CDK5RAP2: variants seen among roughly 807,000 people sequenced by gnomAD.
CDK5RAP2 encodes the protein CDK5 regulatory subunit-associated protein 2.
In CDK5RAP2, 147 loss-of-function variants were observed where a neutral mutation model predicts 232.9. The ratio of observed to expected loss-of-function variants is 0.63; its 90% CI spans 0.55 to 0.72. The LOEUF is 0.72. Ranked by LOEUF, CDK5RAP2 falls within the 30% of genes least tolerant of loss-of-function variation. The probability of loss-of-function intolerance (pLI) is 0.00; values close to 1 mark genes in which losing one functional copy is unlikely to be tolerated. For synonymous variants in CDK5RAP2, 833 were observed against 833.7 expected (o/e 1.00, Z 0.01); for missense variants, 2,195 against 2,231.5 (o/e 0.98, Z 0.33).
At chr9:120,455,929 A>T (rs2036748716) in intron 20 of CDK5RAP2, among the ~76,000 whole-genome samples, 1 of 152,224 alleles carries the variant, frequency 6.6e-6, no homozygotes. Flanking sequence ...TCCAAAGATC[A>T]AAAACAGGAG....
chr9:120,420,782 T>C (rs1196664568), intron 26 of CDK5RAP2, among the ~76,000 whole-genome samples: 5 of 152,240 alleles, frequency 3.3e-5, no homozygotes, highest in Non-Finnish European at 7.3e-5. Context: ...AAACACCTGA[T>C]GCAACTTTGC....
At chr9:120,486,569 C>T (rs2038616021) in intron 14 of CDK5RAP2, among the ~76,000 whole-genome samples, 1 of 152,100 alleles carries the variant, frequency 6.6e-6, no homozygotes, top group Admixed American at 6.6e-5. Flanking sequence ...GTTCCCTACC[C>T]CAGAAGTGCC....
In CDK5RAP2 at chr9:120,419,898, G is replaced by C. The variant is rs559791633; in HGVS notation, c.4067C>G (p.Ser1356Cys). The C allele has an allele frequency of 6.2e-7, 1 of 1,613,924 alleles. No individual in the cohort carries two copies. Among genetic ancestry groups the C allele is most frequent in the Admixed American group, 1.7e-5 (1 of 60,030 alleles). Reference protein sequence around the residue: ...LLPESPEPSASHALSDYETSE... With the variant: ...LLPESPEPSACHALSDYETSE... ...TGTTTCATAATCAGAGAGCGCATGAGAGGCTGAAGGCTCAGGAGATTCAGG... is the reference window on the plus strand; with the variant it reads ...TGTTTCATAATCAGAGAGCGCATGACAGGCTGAAGGCTCAGGAGATTCAGG... The change falls in exon 27 of 38, where the codon TCT (serine) becomes TGT (cysteine). Residue 1356 changes from serine to cysteine, a missense_variant. Ser to Cys is a moderately radical substitution (Grantham distance 112). Transcript: ENST00000349780.
chr9:120,507,093 C>A (rs1027691272), intron 12 of CDK5RAP2, among the ~76,000 whole-genome samples: 1 of 152,168 alleles, frequency 6.6e-6, no homozygotes, highest in Non-Finnish European at 1.5e-5. Flanking sequence ...AACATTGAGG[C>A]AAGACCTTCC....
At chr9:120,462,440 T>C (rs1205374803) in intron 18 of CDK5RAP2, among the ~76,000 whole-genome samples, 2 of 132,380 alleles carry the variant, frequency 1.5e-5, no homozygotes, top group Non-Finnish European at 3.3e-5. Context: ...CTCATCAAAT[T>C]AAAAAAAAAA....
intron 3 of CDK5RAP2, among the ~76,000 whole-genome samples, chr9:120,556,492 A>G (rs1588647349): frequency 6.6e-6 from 1 of 151,506 alleles, no homozygotes; most frequent in East Asian, 1.9e-4. Context: ...GCAGTGGTGC[A>G]ATCTCAGCTC....
Position 120,539,099 on chromosome 9 carries a change from C to A in CDK5RAP2, c.449G>T (p.Arg150Leu). ...SEIQRVKEDA[R>L]KKVQQVEDLL... ...ATCTTCCACCTGCTGCACCTTCTTT[C>A]GAGCATCTTCTTTCACCCGCTGGAT... The change falls in exon 6 of 38, where the codon CGA becomes CTA. Residue 150 changes from arginine (R) to leucine (L), a missense_variant. Physicochemically the swap from Arg to Leu is moderately radical, Grantham distance 102 (BLOSUM62 -2). Coordinates refer to ENST00000349780, the MANE Select transcript of CDK5RAP2 (RefSeq NM_018249.6). 6.2e-7 allele frequency: 1 copy of A among 1,613,976 alleles called. No homozygotes were observed. The highest frequency in any genetic ancestry group is 2.2e-5 in the East Asian group (1 of 44,886).
intron 7 of CDK5RAP2, among the ~76,000 whole-genome samples, chr9:120,535,105 G>T (rs1420851530): frequency 6.6e-6 from 1 of 152,184 alleles, no homozygotes; most frequent in African/African-American, 2.4e-5. Flanking sequence ...AGGTCCATGG[G>T]GAACCCAGTT....
intron 18 of CDK5RAP2, among the ~76,000 whole-genome samples, chr9:120,464,596 ACT>A (rs2131481605): frequency 6.6e-6 from 1 of 152,076 alleles, no homozygotes; most frequent in East Asian, 1.9e-4. Context: ...AGAAATACAG[ACT>A]CTCTGGCCCC....
At chr9:120,491,593 G>T in intron 12 of CDK5RAP2, 116 bp from the exon 13 acceptor site, 2 of 650,980 alleles carry the variant, frequency 3.1e-6, no homozygotes, top group Non-Finnish European at 5.3e-6. Context: ...ATTTAAGGGA[G>T]TATACAAGTG....
chr9:120,431,728 G>A (rs1282653982), intron 25 of CDK5RAP2, among the ~76,000 whole-genome samples: 5 of 152,218 alleles, frequency 3.3e-5, no homozygotes, highest in African/African-American at 1.2e-4. Flanking sequence ...CATGTGGTGA[G>A]CTCACTGATC....
chr9:120,557,954 C>T (rs1432593122), intron 3 of CDK5RAP2, among the ~76,000 whole-genome samples: 3 of 149,604 alleles, frequency 2.0e-5, no homozygotes, highest in African/African-American at 7.3e-5. Context: ...TTAATAGAGA[C>T]GAGTTTTCAC....
chr9:120,540,927 G>A (rs977461888), intron 5 of CDK5RAP2, among the ~76,000 whole-genome samples: 1 of 152,194 alleles, frequency 6.6e-6, no homozygotes, highest in Non-Finnish European at 1.5e-5. Context: ...AAGCCAAGGC[G>A]CCTATTTCCA....
intron 21 of CDK5RAP2, among the ~76,000 whole-genome samples, chr9:120,450,904 G>A (rs914625226): frequency 9.2e-5 from 14 of 152,206 alleles, no homozygotes; most frequent in African/African-American, 3.4e-4. Context: ...TGAAATTCCA[G>A]GTAAGAGGAG....
intron 14 of CDK5RAP2, among the ~76,000 whole-genome samples, chr9:120,485,768 G>T (rs1280786049): frequency 6.6e-6 from 1 of 152,126 alleles, no homozygotes; most frequent in Admixed American, 6.5e-5. Context: ...CTAACTAAAT[G>T]CTAGTTAGAA....
rs985727482 is a variant in CDK5RAP2, at chr9:120,389,137, C to G, written c.*99G>C. 5 of 1,004,246 alleles carry G rather than the reference C, an allele frequency of 5.0e-6. No individual in the cohort carries two copies. In the African/African-American group the frequency reaches 6.4e-5, roughly 13 times the overall value. 62.2% of individuals were successfully genotyped at this position (1,004,246 alleles called of 1,614,324 possible). ...AAAAAATAGATTTCCTTTGGCCAGA[C>G]AGCTCTTTCTTCCTCAATAAATAGG... On this transcript the variant is annotated 3_prime_UTR_variant, in exon 38 of 38. Coordinates refer to ENST00000349780, the MANE Select transcript of CDK5RAP2 (RefSeq NM_018249.6).
chr9:120,419,997 T>G, intron 26 of CDK5RAP2, 37 bp from the exon 27 acceptor site: 2 of 1,556,758 alleles, frequency 1.3e-6, no homozygotes, highest in Non-Finnish European at 1.8e-6. Flanking sequence ...TCATCTCCCA[T>G]GCTAAAATCC....
chr9:120,483,293 T>G (rs1478469891), intron 14 of CDK5RAP2, among the ~76,000 whole-genome samples: 3 of 152,242 alleles, frequency 2.0e-5, no homozygotes, highest in Non-Finnish European at 2.9e-5. Flanking sequence ...ACTCCTCTCC[T>G]TTGTGAGCCA....
intron 29 of CDK5RAP2, among the ~76,000 whole-genome samples, chr9:120,409,957 G>T (rs1474348216): frequency 6.6e-6 from 1 of 152,186 alleles, no homozygotes; most frequent in African/African-American, 2.4e-5. Flanking sequence ...GTTTATCACA[G>T]GGAGTCAGGA....
Sources: gnomAD v4.1 joint callset for allele counts (sites outside exome capture counted in the v4.1 genomes callset) on GRCh38, gnomAD v4.1.1 for gene constraint, MANE v1.5 for transcripts, NCBI Gene and HGNC (gene_info 2026-07-23, HGNC 2026-07-21) for gene names.